The following GPD2 variants were observed in gnomAD, a reference collection of about 807,000 sequenced individuals.
The protein encoded by GPD2 is glycerol-3-phosphate dehydrogenase, mitochondrial.
Under a neutral mutation model 82.4 loss-of-function variants are expected in GPD2, and 54 were observed. That is an observed-to-expected ratio of 0.66 (90% CI 0.53 to 0.82). The LOEUF (loss-of-function observed/expected upper bound fraction) is 0.82. Among genes scored for constraint, GPD2 ranks in the 40% least tolerant of loss-of-function variants. The pLI is 0.00. For missense variants in GPD2, 748 were observed against 896.2 expected (o/e 0.83, Z 2.11); for synonymous variants, 288 against 306.1 (o/e 0.94, Z 0.62).
the GPD2 span, among the ~76,000 whole-genome samples, chr2:156,401,077 A>T: frequency 6.6e-6 from 1 of 152,358 alleles, no homozygotes; most frequent in East Asian, 1.9e-4. Context: ...TCCAGTGTTT[A>T]AAGGCCCTGT....
chr2:156,516,637 G>T (rs1457959706), intron 6 of GPD2, among the ~76,000 whole-genome samples: 1 of 152,148 alleles, frequency 6.6e-6, no homozygotes, highest in Non-Finnish European at 1.5e-5. Flanking sequence ...TAGAGACAAG[G>T]TCTCCCTGTA....
At chr2:156,560,385 C>T (rs1275973118) in intron 9 of GPD2, among the ~76,000 whole-genome samples, 1 of 152,176 alleles carries the variant, frequency 6.6e-6, no homozygotes, top group Non-Finnish European at 1.5e-5. Flanking sequence ...ATTGTTAATT[C>T]TGATGTTTGA....
chr2:156,531,947 G>A (rs545225022), intron 6 of GPD2, among the ~76,000 whole-genome samples: 2 of 152,142 alleles, frequency 1.3e-5, no homozygotes, highest in Middle Eastern at 3.4e-3. Context: ...TCCAAAGATA[G>A]GGGTTATAGA....
chr2:156,464,219 A>G (rs896888226), intron 1 of GPD2, among the ~76,000 whole-genome samples: 1 of 152,226 alleles, frequency 6.6e-6, no homozygotes, highest in Non-Finnish European at 1.5e-5. Flanking sequence ...TGTTAGCAGT[A>G]TGAATTACTT....
chr2:156,520,560 G>GTTAT (rs148048031), intron 6 of GPD2, among the ~76,000 whole-genome samples: 2,285 of 144,000 alleles, frequency 0.016, 25 homozygotes, highest in Non-Finnish European at 0.02. Context: ...TATTTTTATT[G>GTTAT]TTATTTATTT....
intron 9 of GPD2, 29 bp from the exon 10 acceptor site, chr2:156,568,796 T>C: frequency 6.2e-7 from 1 of 1,602,024 alleles, no homozygotes; most frequent in Non-Finnish European, 8.6e-7. Flanking sequence ...TGAGCAATGT[T>C]CATAACCCTT....
chr2:156,535,481 G>C (rs1686044598), intron 6 of GPD2, among the ~76,000 whole-genome samples: 1 of 151,124 alleles, frequency 6.6e-6, no homozygotes, highest in Non-Finnish European at 1.5e-5. Flanking sequence ...CTGGGAAAGA[G>C]AAGGCATATT....
intron 1 of GPD2, among the ~76,000 whole-genome samples, chr2:156,468,671 G>A (rs568006152): frequency 2.0e-5 from 3 of 152,120 alleles, no homozygotes; most frequent in South Asian, 2.1e-4. Context: ...AGCATGGATC[G>A]CTTTTATTTA....
At chr2:156,557,807 TA>T (rs1303502436) in intron 9 of GPD2, among the ~76,000 whole-genome samples, 1 of 152,224 alleles carries the variant, frequency 6.6e-6, no homozygotes, top group Non-Finnish European at 1.5e-5. Context: ...CCTCTTCTGA[TA>T]ATTCCTAATG....
intron 9 of GPD2, among the ~76,000 whole-genome samples, chr2:156,565,452 A>G (rs1687354312): frequency 1.3e-5 from 2 of 152,146 alleles, no homozygotes; most frequent in Non-Finnish European, 2.9e-5. Flanking sequence ...GAAGCCATCC[A>G]GATTAAATCT....
chr2:156,416,148 T>A, the GPD2 span, among the ~76,000 whole-genome samples: 1 of 151,934 alleles, frequency 6.6e-6, no homozygotes, highest in Non-Finnish European at 1.5e-5. Flanking sequence ...TATATGTATA[T>A]ACCACAGTTC....
intron 1 of GPD2, among the ~76,000 whole-genome samples, chr2:156,449,474 T>G (rs1483117397): frequency 6.6e-6 from 1 of 152,210 alleles, no homozygotes; most frequent in Non-Finnish European, 1.5e-5. Flanking sequence ...ACTGCTTAAA[T>G]GCTAAGAAGA....
At position 156,579,136 on chromosome 2, in the gene GPD2, C is replaced by A. The variant is rs1687934800; in HGVS notation, c.1931C>A (p.Thr644Asn). Residue 644 changes from threonine (T) to asparagine (N), a missense_variant, in exon 15 of 17, where the codon ACC becomes AAC. Physicochemically the swap from Thr to Asn is moderately conservative, Grantham distance 65 (BLOSUM62 0). Transcript: ENST00000438166. ...GATGCAGACCAGAAAGGCTTTATTA[C>A]CATTGTTGATGTTCAGCGTGTATTA... ...KFDADQKGFI[T>N]IVDVQRVLES... The A allele has an allele frequency of 1.9e-6, 3 of 1,605,250 alleles. No homozygotes were observed. Among genetic ancestry groups the A allele is most frequent in the Non-Finnish European group, 2.6e-6 (3 of 1,172,416 alleles).
intron 16 of GPD2, among the ~76,000 whole-genome samples, chr2:156,580,505 T>C (rs1687989397): frequency 6.6e-6 from 1 of 152,212 alleles, no homozygotes; most frequent in Non-Finnish European, 1.5e-5. Context: ...ACTCTGATCA[T>C]ATGAAGAATG....
At chr2:156,566,440 C>T (rs920007995) in intron 9 of GPD2, among the ~76,000 whole-genome samples, 3 of 152,058 alleles carry the variant, frequency 2.0e-5, no homozygotes, top group African/African-American at 4.8e-5. Context: ...AGTTTGAGTA[C>T]GCCAAGTACC....
chr2:156,523,494 T>G (rs1035882462), intron 6 of GPD2, among the ~76,000 whole-genome samples: 1 of 152,210 alleles, frequency 6.6e-6, no homozygotes, highest in South Asian at 2.1e-4. Flanking sequence ...TTAGCACTTA[T>G]AAACTCATGA....
intron 3 of GPD2, among the ~76,000 whole-genome samples, chr2:156,510,021 G>A (rs1173203111): frequency 6.6e-6 from 1 of 151,996 alleles, no homozygotes; most frequent in Non-Finnish European, 1.5e-5. Context: ...GACCTCAAGT[G>A]ATCCACCCGC....
rs573187880 is a variant in GPD2 at position 156,585,885 on chromosome 2, A to G, written c.*2967A>G. The G allele has an allele frequency of 7.9e-5, 12 of 152,614 alleles. No individual in the cohort carries two copies. The South Asian group carries it at 2.3e-3, about 29-fold the overall frequency. The allele number at this position is 152,614 out of a possible 1,614,324, so 9.5% of individuals were successfully genotyped here. A position where few individuals can be genotyped will look rare whatever the true frequency, so the allele number is the denominator to read the frequency against. ...ATAGCAAGTGTAAGCTCAGTGCTAGAGTGGATATACACACCGCATGTTTTC... is the reference window on the plus strand; with the variant it reads ...ATAGCAAGTGTAAGCTCAGTGCTAGGGTGGATATACACACCGCATGTTTTC... On this transcript the variant is annotated 3_prime_UTR_variant, in exon 17 of 17. Transcript: ENST00000438166.
At chr2:156,437,025 A>G (rs1681949771) in intron 1 of GPD2, among the ~76,000 whole-genome samples, 1 of 152,222 alleles carries the variant, frequency 6.6e-6, no homozygotes, top group African/African-American at 2.4e-5. Flanking sequence ...AGGAAGGTGT[A>G]GCTGGGTGAA....
Sources: allele counts gnomAD v4.1 joint callset (sites outside exome capture counted in the v4.1 genomes callset), GRCh38; gene constraint gnomAD v4.1.1; transcripts MANE v1.5; gene names NCBI Gene and HGNC (gene_info 2026-07-23, HGNC 2026-07-21).